Variants in EFCAB5 observed in about 807,000 individuals in gnomAD.
The protein encoded by EFCAB5 is EF-hand calcium binding domain 5.
In EFCAB5, 131 loss-of-function variants were observed where a neutral mutation model predicts 167.9. That is an observed-to-expected ratio of 0.78 (90% CI 0.68 to 0.90). EFCAB5 has a LOEUF of 0.90. EFCAB5 is among the 40% of genes least tolerant of loss of function. EFCAB5 has a pLI of 0.00. For synonymous variants in EFCAB5, 574 were observed against 602.8 expected (o/e 0.95, Z 0.70); for missense variants, 1,663 against 1,745.2 (o/e 0.95, Z 0.84).
chr17:30,053,915 G>A lies in EFCAB5; in HGVS notation c.1961G>A (p.Gly654Glu). 2.5e-6 allele frequency: 4 copies of A among 1,613,980 alleles called. No homozygotes were observed. Among genetic ancestry groups the A allele is most frequent in the Non-Finnish European group, 3.4e-6 (4 of 1,179,892 alleles). Reference sequence around the variant, plus strand: ...GAACCATACCAAAAATCAGAACAAGGACCTTATGGAGAGATAATTTCAGAA... The same window carrying A: ...GAACCATACCAAAAATCAGAACAAGAACCTTATGGAGAGATAATTTCAGAA... ...IEEPYQKSEQ[G>E]PYGEIISEEQ... The change falls in exon 10 of 23, where the codon GGA becomes GAA. Residue 654 changes from glycine to glutamate, a missense_variant. Coordinates refer to ENST00000394835, the MANE Select transcript of EFCAB5 (RefSeq NM_198529.4).
At chr17:30,023,397 A>C (rs2069233060) in intron 7 of EFCAB5, among the ~76,000 whole-genome samples, 1 of 152,146 alleles carries the variant, frequency 6.6e-6, no homozygotes, top group South Asian at 2.1e-4. Flanking sequence ...AGAATACTAC[A>C]AACACCTCTA....
At chr17:30,096,430 C>T (rs1479668814) in intron 22 of EFCAB5, among the ~76,000 whole-genome samples, 1 of 151,854 alleles carries the variant, frequency 6.6e-6, no homozygotes, top group Non-Finnish European at 1.5e-5. Context: ...GTGGTCCCAG[C>T]TACTTGGGAA....
chr17:30,102,858 G>A (rs989375020), intron 22 of EFCAB5, among the ~76,000 whole-genome samples: 1 of 151,864 alleles, frequency 6.6e-6, no homozygotes. Flanking sequence ...TGGAGACAAG[G>A]TCTCACTCTG....
chr17:29,931,562 A>G (rs963525127), intron 1 of EFCAB5, among the ~76,000 whole-genome samples: 2 of 152,174 alleles, frequency 1.3e-5, no homozygotes, highest in Non-Finnish European at 2.9e-5. Context: ...AGTGCCTGTG[A>G]GACAAAATTA....
In EFCAB5 at chr17:30,092,023, C is replaced by T; in HGVS notation, c.4090C>T (p.Pro1364Ser). ...TACTCTTGTAACAGAGCCAAATTCT[C>T]CTCAAGACAGCAAATCTATGGAGTT... is the stretch of plus-strand genomic sequence containing the variant. ...DHTLVTEPNS[P>S]QDSKSMELEA... Residue 1364 changes from proline (P) to serine (S), a missense_variant, in exon 21 of 23, where the codon CCT becomes TCT. Coordinates refer to ENST00000394835, the MANE Select transcript of EFCAB5 (RefSeq NM_198529.4). The T allele has an allele frequency of 6.2e-7, 1 of 1,613,948 alleles. No homozygotes were observed. Among genetic ancestry groups the T allele is most frequent in the Non-Finnish European group, 8.5e-7 (1 of 1,179,876 alleles).
intron 14 of EFCAB5, among the ~76,000 whole-genome samples, chr17:30,062,629 G>T (rs1022791346): frequency 3.3e-5 from 5 of 152,154 alleles, no homozygotes; most frequent in African/African-American, 1.2e-4. Flanking sequence ...TGGAACTACG[G>T]CTGGAGTGTG....
At chr17:29,987,753 G>A (rs2068319507) in intron 4 of EFCAB5, among the ~76,000 whole-genome samples, 1 of 152,108 alleles carries the variant, frequency 6.6e-6, no homozygotes, top group African/African-American at 2.4e-5. Flanking sequence ...AATGTAACTA[G>A]AGCTTGTCTA....
At chr17:29,930,291 C>A (rs574457535) in intron 1 of EFCAB5, 15 of 471,582 alleles carry the variant, frequency 3.2e-5, no homozygotes, top group African/African-American at 2.9e-4. Flanking sequence ...CGCGCGCCGC[C>A]GCCTGGTCGT....
At chr17:29,930,306 C>A in intron 1 of EFCAB5, 1 of 425,060 alleles carries the variant, frequency 2.4e-6, no homozygotes, top group Non-Finnish European at 4.2e-6. Context: ...GGTCGTAACC[C>A]TTGAGTTGCC....
chr17:29,986,990 T>TA (rs2068301802), intron 4 of EFCAB5, among the ~76,000 whole-genome samples: 1 of 152,120 alleles, frequency 6.6e-6, no homozygotes, highest in Non-Finnish European at 1.5e-5. Context: ...AAAGCATGTG[T>TA]AACTGTGCCA....
rs879652212 is a variant in EFCAB5 at position 29,970,671 on chromosome 17, C to CACAT, written c.767+1307_767+1308insTACA. 5.3e-4 allele frequency among the ~76,000 whole-genome samples: 75 copies of CACAT among 140,322 alleles called. No individual in the cohort carries two copies. The South Asian group carries it at 0.011, about 20-fold the overall frequency. 92.1% of individuals were successfully genotyped at this position (140,322 alleles called of 152,430 possible). ...ACACACACACACACACACACACATACACACACACACACACACACACACCAG... is the reference window on the plus strand; with the variant it reads ...ACACACACACACACACACACACATACACATACACACACACACACACACACACCAG... On this transcript the variant is annotated intron_variant, in intron 4 of 22. Transcript: ENST00000394835.
At chr17:30,005,149 G>A (rs1000568133) in intron 7 of EFCAB5, among the ~76,000 whole-genome samples, 1 of 152,120 alleles carries the variant, frequency 6.6e-6, no homozygotes, top group Non-Finnish European at 1.5e-5. Flanking sequence ...TGGTTATACT[G>A]ATTTATTCTC....
intron 4 of EFCAB5, among the ~76,000 whole-genome samples, chr17:29,978,704 G>A (rs1379974701): frequency 3.3e-5 from 5 of 152,222 alleles, no homozygotes; most frequent in Admixed American, 3.3e-4. Context: ...AGGTGTGGTT[G>A]TCCTGAAGTA....
intron 8 of EFCAB5, among the ~76,000 whole-genome samples, chr17:30,049,221 T>A (rs536221472): frequency 6.6e-6 from 1 of 152,134 alleles, no homozygotes; most frequent in South Asian, 2.1e-4. Context: ...GTTTATGACC[T>A]TGTTAAAATT....
At chr17:30,025,671 A>G (rs1054547085) in intron 7 of EFCAB5, among the ~76,000 whole-genome samples, 1 of 152,204 alleles carries the variant, frequency 6.6e-6, no homozygotes, top group Non-Finnish European at 1.5e-5. Context: ...ATTACTGGGT[A>G]TATACCCAAA....
At chr17:30,086,976 A>ATT in intron 18 of EFCAB5, 87 bp from the exon 19 acceptor site, 1 of 1,152,860 alleles carries the variant, frequency 8.7e-7, no homozygotes, top group Non-Finnish European at 1.2e-6. Context: ...AAGCTTTCCT[A>ATT]TTTTTTTTCT....
chr17:30,086,544 G>C (rs1303707105), intron 18 of EFCAB5, among the ~76,000 whole-genome samples: 2 of 151,530 alleles, frequency 1.3e-5, no homozygotes, highest in African/African-American at 4.9e-5. Context: ...TCAGGAGTTC[G>C]AGACCAGCCT....
chr17:30,001,068 T>A (rs2068651762), intron 7 of EFCAB5, among the ~76,000 whole-genome samples: 1 of 152,196 alleles, frequency 6.6e-6, no homozygotes, highest in Non-Finnish European at 1.5e-5. Flanking sequence ...TTCTGGAAAC[T>A]CCAGTAAGGA....
At chr17:29,973,461 C>T (rs7208710) in intron 4 of EFCAB5, among the ~76,000 whole-genome samples, 14,366 of 150,264 alleles carry the variant, frequency 0.096, 1,577 homozygotes, top group African/African-American at 0.27. Context: ...ATTTCTTTGA[C>T]ATTTATATTT....
Sources: gnomAD v4.1 joint callset for allele counts (sites outside exome capture counted in the v4.1 genomes callset) on GRCh38, gnomAD v4.1.1 for gene constraint, MANE v1.5 for transcripts, NCBI Gene and HGNC (gene_info 2026-07-23, HGNC 2026-07-21) for gene names.